The following ERBB4 variants were observed in gnomAD, a reference collection of about 807,000 sequenced individuals.
ERBB4 encodes receptor tyrosine-protein kinase erbB-4.
ERBB4 carries 42 observed loss-of-function variants against 158.0 expected under a neutral mutation model. That is an observed-to-expected ratio of 0.27 (90% CI 0.21 to 0.34). ERBB4 has a LOEUF of 0.34. ERBB4 is among the 10% of genes least tolerant of loss of function. The pLI is 1.00. For synonymous variants in ERBB4, 583 were observed against 558.7 expected (o/e 1.04, Z -0.61); for missense variants, 1,333 against 1,624.1 (o/e 0.82, Z 3.08).
At chr2:212,441,131 GA>G (rs1469458240) in intron 1 of ERBB4, among the ~76,000 whole-genome samples, 1 of 152,304 alleles carries the variant, frequency 6.6e-6, no homozygotes, top group East Asian at 1.9e-4. Flanking sequence ...CTGCATCTCG[GA>G]ATGGGCACAT....
At chr2:211,703,997 T>A in intron 11 of ERBB4, 107 bp downstream of exon 11, 2 of 782,554 alleles carry the variant, frequency 2.6e-6, no homozygotes, top group Admixed American at 3.6e-5. Context: ...GGAAGCATGA[T>A]TTCCCCAGAA....
At chr2:211,511,053 G>C (rs753396512) in intron 20 of ERBB4, among the ~76,000 whole-genome samples, 5 of 151,882 alleles carry the variant, frequency 3.3e-5, no homozygotes, top group Non-Finnish European at 4.4e-5. Context: ...AAACAGAGAG[G>C]TAAGAATGCT....
chr2:211,964,126 T>C (rs138424797), intron 2 of ERBB4, among the ~76,000 whole-genome samples: 7 of 152,276 alleles, frequency 4.6e-5, no homozygotes, highest in African/African-American at 1.7e-4. Context: ...TTATCAATCA[T>C]ACTAGACTTC....
intron 2 of ERBB4, among the ~76,000 whole-genome samples, chr2:212,097,784 AG>A: frequency 6.6e-6 from 1 of 152,196 alleles, no homozygotes; most frequent in East Asian, 1.9e-4. Flanking sequence ...AATGACTAGA[AG>A]ATGTCCACTG....
chr2:211,696,875 G>A (rs552607096), intron 12 of ERBB4, among the ~76,000 whole-genome samples: 16 of 152,010 alleles, frequency 1.1e-4, no homozygotes, highest in African/African-American at 3.6e-4. Context: ...TCACCATGTT[G>A]GCCAGGCTGG....
intron 2 of ERBB4, among the ~76,000 whole-genome samples, chr2:211,978,799 C>G (rs2081706223): frequency 6.6e-6 from 1 of 152,090 alleles, no homozygotes; most frequent in African/African-American, 2.4e-5. Context: ...TCAAGGTGTT[C>G]TCTAACTACA....
In ERBB4 at chr2:211,525,986, G is replaced by A. The variant is rs2066337448; in HGVS notation, c.2487+35917C>T. 2.0e-5 allele frequency among the ~76,000 whole-genome samples: 3 copies of A among 152,250 alleles called. No homozygotes were observed. In the South Asian group the frequency reaches 6.2e-4, roughly 32 times the overall value. On this transcript the variant is annotated intron_variant, in intron 20 of 27. Coordinates refer to ENST00000342788, the MANE Select transcript of ERBB4 (RefSeq NM_005235.3). ...CTCCAGTCCCTAGCTGCCAGATGGGGGAACTGGATGCCTACTGCCCATGGC... is the reference window on the plus strand; with the variant it reads ...CTCCAGTCCCTAGCTGCCAGATGGGAGAACTGGATGCCTACTGCCCATGGC...
intron 4 of ERBB4, among the ~76,000 whole-genome samples, chr2:211,768,340 C>T (rs1014098056): frequency 3.9e-5 from 6 of 152,146 alleles, no homozygotes; most frequent in African/African-American, 1.2e-4. Context: ...GTGAAGCTGT[C>T]GATGGATCTA....
chr2:212,133,396 G>GTTTTTTTTTTT (rs575131971), intron 1 of ERBB4, among the ~76,000 whole-genome samples: 1 of 137,138 alleles, frequency 7.3e-6, no homozygotes, highest in African/African-American at 3.0e-5. Flanking sequence ...TCATTTTGGT[G>GTTTTTTTTTTT]TTTTTTTTTT....
Position 212,231,992 on chromosome 2 carries a change from C to T in ERBB4, c.83-107089G>A, listed in dbSNP as rs566272217. 1.1e-3 allele frequency among the ~76,000 whole-genome samples: 171 copies of T among 152,182 alleles called. 1 individual carries two copies. Among genetic ancestry groups the T allele is most frequent in the African/African-American group, 3.9e-3 (161 of 41,528 alleles). ...TGAATGATCTTAGACATGTGTACTT[C>T]GCCTCAGATGAAAGGCAGTATAGCA... On this transcript the variant is annotated intron_variant, in intron 1 of 27. Coordinates refer to ENST00000342788, the MANE Select transcript of ERBB4 (RefSeq NM_005235.3).
chr2:211,694,893 G>A (rs914905464), intron 12 of ERBB4, among the ~76,000 whole-genome samples: 25 of 152,102 alleles, frequency 1.6e-4, no homozygotes, highest in African/African-American at 5.3e-4. Flanking sequence ...GGGAGCAGGA[G>A]AAAGTAAGAA....
At chr2:211,951,001 C>G (rs1224721024) in intron 2 of ERBB4, among the ~76,000 whole-genome samples, 2 of 152,082 alleles carry the variant, frequency 1.3e-5, no homozygotes, top group Non-Finnish European at 2.9e-5. Flanking sequence ...AAGTAAAATT[C>G]ATTCATTATT....
intron 2 of ERBB4, among the ~76,000 whole-genome samples, chr2:212,055,099 C>G (rs1417750757): frequency 6.6e-6 from 1 of 152,184 alleles, no homozygotes; most frequent in African/African-American, 2.4e-5. Context: ...GTCACTCCCA[C>G]CCTAATACTG....
At chr2:212,468,836 C>A (rs1227763341) in intron 1 of ERBB4, among the ~76,000 whole-genome samples, 1 of 152,164 alleles carries the variant, frequency 6.6e-6, no homozygotes, top group Non-Finnish European at 1.5e-5. Flanking sequence ...TCAACACAAC[C>A]ATTTGAACAG....
Position 211,580,916 on chromosome 2 carries a change from T to C in ERBB4, c.2302-18828A>G, listed in dbSNP as rs1232569602. Among the ~76,000 whole-genome samples, 5 of 120,472 alleles carry C rather than the reference T, an allele frequency of 4.2e-5. 1 individual carries two copies. The highest frequency in any genetic ancestry group is 7.0e-5 in the Non-Finnish European group (4 of 57,218). 79.0% of individuals were successfully genotyped at this position (120,472 alleles called of 152,430 possible). A position where few individuals can be genotyped will look rare whatever the true frequency, so the allele number is the denominator to read the frequency against. On this transcript the variant is annotated intron_variant, in intron 19 of 27. Transcript: ENST00000342788. The stretch of plus-strand genomic sequence containing the variant: ...ATATATATATATATATATATATATA[T>C]GATGGAATACTACTTAGCCATAAAA...
chr2:212,338,385 C>A (rs1414562555), intron 1 of ERBB4, among the ~76,000 whole-genome samples: 2 of 152,024 alleles, frequency 1.3e-5, no homozygotes, highest in Admixed American at 1.3e-4. Context: ...ATATGAAAGA[C>A]CATATGCATA....
intron 1 of ERBB4, among the ~76,000 whole-genome samples, chr2:212,169,499 CA>C (rs1320021132): frequency 1.2e-4 from 18 of 152,008 alleles, no homozygotes; most frequent in Admixed American, 1.2e-3. Context: ...ACACCATATA[CA>C]AAAATCAACT....
At chr2:211,676,041 A>G (rs545178589) in intron 13 of ERBB4, among the ~76,000 whole-genome samples, 62 of 152,190 alleles carry the variant, frequency 4.1e-4, no homozygotes, top group Admixed American at 1.1e-3. Context: ...CAATTTTCAC[A>G]TAAGAAAACC....
At chr2:212,162,364 C>T (rs2081228571) in intron 1 of ERBB4, among the ~76,000 whole-genome samples, 1 of 151,634 alleles carries the variant, frequency 6.6e-6, no homozygotes, top group Non-Finnish European at 1.5e-5. Flanking sequence ...CTAGAACAGG[C>T]AAAATTAATC....
Sources: gnomAD v4.1 joint callset for allele counts (sites outside exome capture counted in the v4.1 genomes callset) on GRCh38, gnomAD v4.1.1 for gene constraint, MANE v1.5 for transcripts, NCBI Gene and HGNC (gene_info 2026-07-23, HGNC 2026-07-21) for gene names.